DAPK3: variants seen among roughly 807,000 people sequenced by gnomAD.
The protein encoded by DAPK3 is death-associated protein kinase 3.
Under a neutral mutation model 30.6 loss-of-function variants are expected in DAPK3, and 24 were observed. The observed-to-expected ratio is 0.78, with a 90% CI of 0.57 to 1.10. The LOEUF (loss-of-function observed/expected upper bound fraction) is 1.10, where lower values mean the gene tolerates loss of function less well. Among genes scored for constraint, DAPK3 ranks in the 50% least tolerant of loss-of-function variants. The pLI, the probability that DAPK3 is intolerant of heterozygous loss-of-function variation, is 0.00. For missense variants in DAPK3, 629 were observed against 657.3 expected (o/e 0.96, Z 0.47); for synonymous variants, 341 against 284.0 (o/e 1.20, Z -2.02).
At position 3,964,954 on chromosome 19, in the gene DAPK3, C is replaced by CCTTCTGCCGGCA. The variant is rs753655969; in HGVS notation, c.88_99dup (p.Cys30_Lys33dup). 1 of 1,611,506 alleles carries CCTTCTGCCGGCA rather than the reference C, an allele frequency of 6.2e-7. No homozygotes were observed. The highest frequency in any genetic ancestry group is 1.1e-5 in the South Asian group (1 of 91,042). On this transcript the variant is annotated inframe_insertion, in exon 3 of 9. Transcript: ENST00000545797. ...TTGGCTGCGTACTCCTTGCCCGTGCCCTTCTGCCGGCACTTCCGCACGATC... is the reference window on the plus strand; with the variant it reads ...TTGGCTGCGTACTCCTTGCCCGTGCCCTTCTGCCGGCACTTCTGCCGGCACTTCCGCACGATC...
chr19:3,963,629 C>A lies in DAPK3; in HGVS notation c.629+14G>T. The A allele has an allele frequency of 1.3e-6, 2 of 1,511,248 alleles. No individual in the cohort carries two copies. The highest frequency in any genetic ancestry group is 4.8e-5 in the East Asian group (2 of 41,614). The allele number at this position is 1,511,248 out of a possible 1,614,324, so 93.6% of individuals were successfully genotyped here. Reference sequence around the variant, plus strand: ...TGTGTTGCACAGCCGAGGGGGCCCCCGCCAGGTACTCACAGGATATAGGTG... The same window carrying A: ...TGTGTTGCACAGCCGAGGGGGCCCCAGCCAGGTACTCACAGGATATAGGTG... On this transcript the variant is annotated intron_variant, in intron 6 of 8. Transcript: ENST00000545797.
At chr19:3,969,859 G>A (rs2039616773) in intron 1 of DAPK3, 30 bp from the exon 2 acceptor site, 1 of 678,470 alleles carries the variant, frequency 1.5e-6, no homozygotes, top group African/African-American at 1.8e-5. Flanking sequence ...ACAGAAGTGA[G>A]GAACTGAGAC....
chr19:3,969,655 G>T lies in DAPK3; in HGVS notation c.62+19C>A. On this transcript the variant is annotated intron_variant, in intron 2 of 8. Coordinates refer to ENST00000545797, the MANE Select transcript of DAPK3 (RefSeq NM_001348.3). ...TCTCTCCTATCCCTGGAGCCCAGCC[G>T]TGCGGGCAGACAGCTCACCTGCCCA... 1 of 1,559,522 alleles carries T rather than the reference G, an allele frequency of 6.4e-7. No individual in the cohort carries two copies. The highest frequency in any genetic ancestry group is 8.8e-7 in the Non-Finnish European group (1 of 1,131,612).
intron 6 of DAPK3, 56 bp downstream of exon 6, chr19:3,963,587 C>T (rs1770385779): frequency 1.6e-5 from 19 of 1,205,906 alleles, no homozygotes; most frequent in South Asian, 5.8e-5. Context: ...CACACGGAGC[C>T]GGGGACCCAT....
chr19:3,963,830 G>A (rs1324866369), intron 5 of DAPK3, 41 bp downstream of exon 5: 1 of 1,424,666 alleles, frequency 7.0e-7, no homozygotes, highest in Non-Finnish European at 9.8e-7. Flanking sequence ...CTGCGCTCCA[G>A]GAATGCAGGG....
chr19:3,961,882 G>A (rs553575983), intron 6 of DAPK3: 7 of 207,730 alleles, frequency 3.4e-5, no homozygotes, highest in South Asian at 7.9e-5. Flanking sequence ...TTTTAGAGAC[G>A]GAGTCTCGCT....
chr19:3,962,466 C>T (rs1257827500), intron 6 of DAPK3, among the ~76,000 whole-genome samples: 1 of 152,120 alleles, frequency 6.6e-6, no homozygotes, highest in Non-Finnish European at 1.5e-5. Context: ...TGAAACTCCA[C>T]CTCTACAAAA....
At chr19:3,968,544 CATGT>C (rs2039602360) in intron 2 of DAPK3, among the ~76,000 whole-genome samples, 1 of 151,992 alleles carries the variant, frequency 6.6e-6, no homozygotes, top group Admixed American at 6.6e-5. Context: ...TCATTCCATC[CATGT>C]ATGTACAGTT....
At chr19:3,959,837 C>G (rs540356656) in intron 8 of DAPK3, 200 bp from the exon 9 acceptor site, 1 of 670,218 alleles carries the variant, frequency 1.5e-6, no homozygotes, top group East Asian at 2.7e-5. Context: ...GGAGTCAGCC[C>G]CGTTGGACAC....
At chr19:3,969,466 C>T (rs775864093) in intron 2 of DAPK3, among the ~76,000 whole-genome samples, 4 of 152,200 alleles carry the variant, frequency 2.6e-5, no homozygotes, top group Non-Finnish European at 5.9e-5. Flanking sequence ...TTTCTCCCCA[C>T]AGGAAACACA....
At position 3,958,947 on chromosome 19, in the gene DAPK3, C is replaced by A. The variant is rs565378541; in HGVS notation, c.*154G>T. On this transcript the variant is annotated 3_prime_UTR_variant, in exon 9 of 9. Coordinates refer to ENST00000545797, the MANE Select transcript of DAPK3 (RefSeq NM_001348.3). ...ACACCCACCCCTGCCTGCGAACTTA[C>A]GGGCCTGGCTCCAGCTCCTCCCACT... The A allele has an allele frequency of 6.8e-6, 4 of 591,666 alleles. No individual in the cohort carries two copies. Among genetic ancestry groups the A allele is most frequent in the African/African-American group, 5.8e-5 (3 of 52,038 alleles). 36.7% of individuals were successfully genotyped at this position (591,666 alleles called of 1,614,324 possible).
rs1203259973 is a variant in DAPK3, at chr19:3,964,423, C to T, written c.424-50G>A. The T allele has an allele frequency of 2.2e-5, 32 of 1,425,816 alleles. No homozygotes were observed. The East Asian group carries it at 7.8e-4, about 35-fold the overall frequency. The allele number at this position is 1,425,816 out of a possible 1,614,324, so 88.3% of individuals were successfully genotyped here. A position where few individuals can be genotyped will look rare whatever the true frequency, so the allele number is the denominator to read the frequency against. ...GGAAAGCACGGGCCTCCCCCACCCT[C>T]ACCCCCACGCTCCCCAAACCTCACC... On this transcript the variant is annotated intron_variant, in intron 3 of 8. Coordinates refer to ENST00000545797, the MANE Select transcript of DAPK3 (RefSeq NM_001348.3).
intron 4 of DAPK3, 35 bp downstream of exon 4, chr19:3,964,209 C>T (rs1599179861): frequency 1.3e-6 from 2 of 1,567,402 alleles, no homozygotes; most frequent in Non-Finnish European, 8.7e-7. Flanking sequence ...GACCACCCTC[C>T]CCAGGCCGGG....
chr19:3,968,263 G>A (rs1477787192), intron 2 of DAPK3, among the ~76,000 whole-genome samples: 2 of 152,210 alleles, frequency 1.3e-5, no homozygotes, highest in African/African-American at 4.8e-5. Context: ...GGGAGGCCGA[G>A]GCAGGTGAAT....
At chr19:3,965,742 G>A (rs1266565772) in intron 2 of DAPK3, among the ~76,000 whole-genome samples, 1 of 152,062 alleles carries the variant, frequency 6.6e-6, no homozygotes, top group African/African-American at 2.4e-5. Flanking sequence ...ATGGCTCACT[G>A]CAGCCTTGAC....
At chr19:3,967,179 A>G (rs528974903) in intron 2 of DAPK3, among the ~76,000 whole-genome samples, 3 of 152,362 alleles carry the variant, frequency 2.0e-5, no homozygotes, top group Admixed American at 6.5e-5. Flanking sequence ...AGCCGGGCAC[A>G]GTGGCTCACG....
chr19:3,970,150 G>C (rs1411508166), intron 1 of DAPK3, among the ~76,000 whole-genome samples: 1 of 152,144 alleles, frequency 6.6e-6, no homozygotes, highest in Non-Finnish European at 1.5e-5. Context: ...CTCTCAACCT[G>C]CTCAGCCAAA....
Position 3,959,113 on chromosome 19 carries a change from G to T in DAPK3, c.1353C>A (p.Cys451Ter), listed in dbSNP as rs1037470105. 21 of 1,551,790 alleles carry T rather than the reference G, an allele frequency of 1.4e-5. No homozygotes were observed. Among genetic ancestry groups the T allele is most frequent in the Non-Finnish European group, 1.8e-5 (21 of 1,152,338 alleles). Reference sequence around the variant, plus strand: ...CACCCCACTGCGCCTAGCGCAGCCCGCACTCCACGCCCTGCAGCTTCTCCT... The same window carrying T: ...CACCCCACTGCGCCTAGCGCAGCCCTCACTCCACGCCCTGCAGCTTCTCCT... The part of the protein sequence containing the change: ...LEQEKLQGVE[C>*]GLR The change falls in exon 9 of 9, where the codon TGC becomes TGA. Residue 451 changes from cysteine (C) to a stop codon, truncating the protein, a stop_gained. Transcript: ENST00000545797. LOFTEE classifies it high-confidence loss of function.
intron 6 of DAPK3, chr19:3,961,695 C>T: frequency 2.8e-6 from 1 of 358,888 alleles, no homozygotes; most frequent in Non-Finnish European, 5.6e-6. Flanking sequence ...TTCTGCAAAA[C>T]ACCTGACCCG....
Sources: allele counts gnomAD v4.1 joint callset (sites outside exome capture counted in the v4.1 genomes callset), GRCh38; gene constraint gnomAD v4.1.1; transcripts MANE v1.5; gene names NCBI Gene and HGNC (gene_info 2026-07-23, HGNC 2026-07-21).